Variants in HHAT observed in about 807,000 individuals in gnomAD.
HHAT encodes the protein hedgehog acyltransferase.
A neutral mutation model predicts 70.8 loss-of-function variants in HHAT; 47 were observed. The observed-to-expected ratio is 0.66, with a 90% CI of 0.53 to 0.85. The LOEUF is 0.85. Among genes scored for constraint, HHAT ranks in the 40% least tolerant of loss-of-function variants. The pLI, the probability that HHAT is intolerant of heterozygous loss-of-function variation, is 0.00. For missense variants in HHAT, 609 were observed against 604.8 expected (o/e 1.01, Z -0.07); for synonymous variants, 228 against 247.6 (o/e 0.92, Z 0.74).
chr1:210,398,234 C>T (rs1297572378), intron 4 of HHAT, among the ~76,000 whole-genome samples: 1 of 152,106 alleles, frequency 6.6e-6, no homozygotes, highest in Non-Finnish European at 1.5e-5. Flanking sequence ...GTAGGTGATT[C>T]TTTTTGCATT....
intron 8 of HHAT, among the ~76,000 whole-genome samples, chr1:210,478,616 T>C (rs2148479426): frequency 6.6e-6 from 1 of 152,270 alleles, no homozygotes; most frequent in South Asian, 2.1e-4. Context: ...AGTGATTCTC[T>C]CCCACTCTGT....
At chr1:210,599,607 T>G (rs1464610633) in intron 10 of HHAT, among the ~76,000 whole-genome samples, 2 of 152,298 alleles carry the variant, frequency 1.3e-5, no homozygotes, top group Admixed American at 6.5e-5. Context: ...ACATTCTACC[T>G]CCTAAGTAGA....
chr1:210,371,177 A>G (rs953613275), intron 3 of HHAT, among the ~76,000 whole-genome samples: 22 of 152,104 alleles, frequency 1.4e-4, no homozygotes, highest in Non-Finnish European at 1.5e-5. Context: ...TTTGAGACAG[A>G]GTCTCACTCT....
chr1:210,663,062 T>G (rs1180864339), intron 11 of HHAT, among the ~76,000 whole-genome samples: 2 of 152,080 alleles, frequency 1.3e-5, no homozygotes, highest in African/African-American at 4.8e-5. Flanking sequence ...GCCATATAAT[T>G]GTGGCTTTAA....
At chr1:210,596,420 T>C (rs555500371) in intron 10 of HHAT, among the ~76,000 whole-genome samples, 1 of 152,328 alleles carries the variant, frequency 6.6e-6, no homozygotes, top group African/African-American at 2.4e-5. Context: ...TACCCCTGTC[T>C]TTTCCTTTCT....
chr1:210,547,034 GAATT>G (rs912012415), intron 9 of HHAT, among the ~76,000 whole-genome samples: 8 of 151,100 alleles, frequency 5.3e-5, no homozygotes, highest in Non-Finnish European at 1.0e-4. Flanking sequence ...GGAATAGAGA[GAATT>G]AACAGGTTAG....
chr1:210,576,259 A>G (rs560824541), intron 9 of HHAT, among the ~76,000 whole-genome samples: 1 of 152,250 alleles, frequency 6.6e-6, no homozygotes, highest in East Asian at 1.9e-4. Flanking sequence ...TCATTATGAT[A>G]ATGGCTTTTT....
intron 3 of HHAT, chr1:210,374,097 A>C (rs1399810866): frequency 6.6e-6 from 1 of 151,848 alleles, no homozygotes; most frequent in Non-Finnish European, 1.5e-5. Flanking sequence ...GAATCACTTA[A>C]GCCTAAAGTT....
chr1:210,597,573 C>A (rs1483457343), intron 10 of HHAT, among the ~76,000 whole-genome samples: 1 of 152,100 alleles, frequency 6.6e-6, no homozygotes, highest in African/African-American at 2.4e-5. Flanking sequence ...CTTCCTTCTC[C>A]TTTCCACAAG....
intron 9 of HHAT, among the ~76,000 whole-genome samples, chr1:210,554,288 C>G (rs2095553633): frequency 1.3e-5 from 2 of 152,152 alleles, no homozygotes; most frequent in South Asian, 4.2e-4. Context: ...GAGCTAATGA[C>G]TTTGAGGAAA....
chr1:210,467,894 G>T (rs554480927), intron 8 of HHAT, among the ~76,000 whole-genome samples: 5 of 152,112 alleles, frequency 3.3e-5, no homozygotes, highest in Admixed American at 2.0e-4. Flanking sequence ...GCAGCCTGCC[G>T]TATCAGAGGA....
At chr1:210,395,835 A>G (rs557938987) in intron 4 of HHAT, among the ~76,000 whole-genome samples, 3 of 152,328 alleles carry the variant, frequency 2.0e-5, no homozygotes, top group African/African-American at 7.2e-5. Context: ...TTGGGAAAGC[A>G]TATCCATCTA....
At chr1:210,413,766 T>G (rs923486408) in intron 6 of HHAT, among the ~76,000 whole-genome samples, 1 of 152,192 alleles carries the variant, frequency 6.6e-6, no homozygotes, top group Non-Finnish European at 1.5e-5. Context: ...CCACCAACAT[T>G]CTGTTCACTA....
chr1:210,420,949 T>C (rs968365057), intron 7 of HHAT, among the ~76,000 whole-genome samples: 10 of 152,342 alleles, frequency 6.6e-5, no homozygotes, highest in African/African-American at 2.4e-4. Context: ...GTGGGCAGTA[T>C]ATTTGTTCAG....
chr1:210,438,052 A>G (rs2093420534), intron 7 of HHAT, among the ~76,000 whole-genome samples: 3 of 151,748 alleles, frequency 2.0e-5, no homozygotes. Flanking sequence ...CTCCTCTACC[A>G]AGTCCTCTTG....
chr1:210,374,422 A>G (rs906352515), intron 3 of HHAT, among the ~76,000 whole-genome samples: 3 of 152,222 alleles, frequency 2.0e-5, no homozygotes, highest in Non-Finnish European at 4.4e-5. Flanking sequence ...GTCAAAAGAA[A>G]TATTCTTTTA....
chr1:210,598,795 C>T (rs1454949653), intron 10 of HHAT, among the ~76,000 whole-genome samples: 1 of 152,220 alleles, frequency 6.6e-6, no homozygotes, highest in Non-Finnish European at 1.5e-5. Flanking sequence ...CTGTGATGCT[C>T]ATCCAATTTT....
chr1:210,614,260 T>C (rs1667202466), intron 10 of HHAT, among the ~76,000 whole-genome samples: 1 of 152,104 alleles, frequency 6.6e-6, no homozygotes, highest in Non-Finnish European at 1.5e-5. Flanking sequence ...TTTTTGCACA[T>C]TGATTTTTGT....
intron 10 of HHAT, among the ~76,000 whole-genome samples, chr1:210,615,877 G>A (rs1041698357): frequency 4.6e-5 from 7 of 152,134 alleles, no homozygotes; most frequent in African/African-American, 1.2e-4. Context: ...TAGGCTACTC[G>A]GGGGTCAGGG....
Sources: allele counts gnomAD v4.1 joint callset (sites outside exome capture counted in the v4.1 genomes callset), GRCh38; gene constraint gnomAD v4.1.1; transcripts MANE v1.5; gene names NCBI Gene and HGNC (gene_info 2026-07-23, HGNC 2026-07-21).